XYLB: variants seen among roughly 807,000 people sequenced by gnomAD.
XYLB encodes the protein xylulokinase.
XYLB carries 62 observed loss-of-function variants against 78.7 expected under a neutral mutation model. The observed-to-expected ratio is 0.79, with a 90% CI of 0.64 to 0.97. The LOEUF (loss-of-function observed/expected upper bound fraction) is 0.97. XYLB is among the 50% of genes least tolerant of loss of function. The pLI is 0.00. For synonymous variants in XYLB, 245 were observed against 247.4 expected, an observed-to-expected ratio of 0.99 and a Z score of 0.09; for missense variants, 687 against 676.8, an observed-to-expected ratio of 1.02 and a Z score of -0.17.
chr3:38,439,458 G>A, the XYLB span, among the ~76,000 whole-genome samples: 11 of 152,192 alleles, frequency 7.2e-5, no homozygotes, highest in South Asian at 2.1e-4. Flanking sequence ...AACTCCAGAG[G>A]TTGGTATAAG....
chr3:38,424,047 G>T (rs1709053459), downstream of XYLB, among the ~76,000 whole-genome samples: 1 of 152,164 alleles, frequency 6.6e-6, no homozygotes. Context: ...TCTATCCTTA[G>T]AGGAGATCCC....
rs1477818095 is a variant in XYLB, at chr3:38,407,018, A to G, written c.1534-5918A>G. Among the ~76,000 whole-genome samples the G allele has an allele frequency of 4.7e-3, 695 of 148,274 alleles. 5 individuals carry two copies. The highest frequency in any genetic ancestry group is 0.015 in the African/African-American group (621 of 40,068). On this transcript the variant is annotated intron_variant, in intron 18 of 18. Coordinates refer to ENST00000207870, the MANE Select transcript of XYLB (RefSeq NM_005108.4). ...GCAAGGCAGGCCAACATTCAGATTC[A>G]GGAAATACAGAGAACGCCACAAAGA... is the stretch of plus-strand genomic sequence containing the variant.
At chr3:38,408,143 T>C (rs1231931902) in intron 18 of XYLB, among the ~76,000 whole-genome samples, 108 of 151,628 alleles carry the variant, frequency 7.1e-4, no homozygotes, top group African/African-American at 2.4e-3. Context: ...AGTAAAGCTC[T>C]CCTCAGCAAA....
At chr3:38,437,769 C>A in the XYLB span, among the ~76,000 whole-genome samples, 3 of 151,744 alleles carry the variant, frequency 2.0e-5, no homozygotes, top group Admixed American at 2.0e-4. Flanking sequence ...CATAGTGAGA[C>A]CCTGTATAAA....
At chr3:38,393,130 T>C (rs1707737242) in intron 15 of XYLB, among the ~76,000 whole-genome samples, 1 of 152,104 alleles carries the variant, frequency 6.6e-6, no homozygotes, top group Non-Finnish European at 1.5e-5. Flanking sequence ...ACATGGGTCT[T>C]TCTCTGTACT....
At chr3:38,396,921 A>G (rs1252690630) in intron 16 of XYLB, 151 bp from the exon 17 acceptor site, 8 of 741,128 alleles carry the variant, frequency 1.1e-5, no homozygotes, top group Non-Finnish European at 1.8e-5. Flanking sequence ...CCAGGGTAGC[A>G]TGACCAAGCA....
At chr3:38,376,003 G>T in intron 12 of XYLB, 114 bp from the exon 13 acceptor site, 1 of 744,982 alleles carries the variant, frequency 1.3e-6, no homozygotes, top group East Asian at 2.5e-5. Flanking sequence ...CACTGACTAG[G>T]GGTCGTGGTC....
chr3:38,360,427 A>T lies in XYLB; in HGVS notation c.210+19A>T, dbSNP rs818849. On this transcript the variant is annotated intron_variant, in intron 3 of 18. Coordinates refer to ENST00000207870, the MANE Select transcript of XYLB (RefSeq NM_005108.4). The stretch of plus-strand genomic sequence containing the variant: ...GGTCCAGGTAAGCGCAGGGATTCCT[A>T]TTCTCCTTCTATCCCCAGGCTGTCT... The T allele has an allele frequency of 2.0e-5, 32 of 1,563,228 alleles. No individual in the cohort carries two copies. The East Asian group carries it at 2.1e-4, about 10-fold the overall frequency.
chr3:38,416,627 G>A (rs1708803816), downstream of XYLB, among the ~76,000 whole-genome samples: 1 of 152,044 alleles, frequency 6.6e-6, no homozygotes, highest in Non-Finnish European at 1.5e-5. Flanking sequence ...AAAAAAAAGA[G>A]ATGGGCAAAA....
At chr3:38,411,770 T>A (rs1318272938) in intron 18 of XYLB, among the ~76,000 whole-genome samples, 1 of 152,134 alleles carries the variant, frequency 6.6e-6, no homozygotes, top group Admixed American at 6.5e-5. Flanking sequence ...GCAACATTGC[T>A]TATGTAAAAA....
chr3:38,358,357 G>GTATGTT (rs774476552), intron 2 of XYLB, among the ~76,000 whole-genome samples: 1 of 90,110 alleles, frequency 1.1e-5, no homozygotes, highest in Non-Finnish European at 2.1e-5. Flanking sequence ...GTGTGTGTGT[G>GTATGTT]TTTGAGACAG....
chr3:38,398,397 G>T (rs1183327559), intron 17 of XYLB, among the ~76,000 whole-genome samples: 1 of 151,652 alleles, frequency 6.6e-6, no homozygotes, highest in Non-Finnish European at 1.5e-5. Context: ...GAACCCGGGA[G>T]GCAGAGGTTG....
At chr3:38,412,884 T>G (rs1214197304) in intron 18 of XYLB, 52 bp from the exon 19 acceptor site, 1 of 1,489,006 alleles carries the variant, frequency 6.7e-7, no homozygotes, top group Non-Finnish European at 9.2e-7. Flanking sequence ...TGCAACCAGA[T>G]GTAAGAGGCA....
chr3:38,447,753 C>A, the XYLB span, among the ~76,000 whole-genome samples: 1 of 152,104 alleles, frequency 6.6e-6, no homozygotes, highest in Middle Eastern at 3.2e-3. Flanking sequence ...TATTGGATAG[C>A]TACCCAAAGG....
At chr3:38,393,291 G>A (rs933119026) in intron 15 of XYLB, among the ~76,000 whole-genome samples, 2 of 152,028 alleles carry the variant, frequency 1.3e-5, no homozygotes, top group African/African-American at 2.4e-5. Context: ...TACAGACAAC[G>A]TGCTACCATG....
At chr3:38,422,522 C>T (rs1267207567), downstream of XYLB, among the ~76,000 whole-genome samples, 8 of 152,338 alleles carry the variant, frequency 5.3e-5, no homozygotes, top group Admixed American at 6.5e-5. Context: ...TTCTCTACAG[C>T]ACTGGCCGTC....
intron 9 of XYLB, among the ~76,000 whole-genome samples, chr3:38,370,767 CAT>C (rs1706512916): frequency 6.6e-6 from 1 of 152,210 alleles, no homozygotes; most frequent in Non-Finnish European, 1.5e-5. Flanking sequence ...ATGGGAAAAA[CAT>C]TTACCCATCA....
At chr3:38,428,620 C>T in the XYLB span, among the ~76,000 whole-genome samples, 1 of 152,196 alleles carries the variant, frequency 6.6e-6, no homozygotes, top group African/African-American at 2.4e-5. Context: ...CCTGATATTA[C>T]TATAGCCACT....
At chr3:38,401,451 G>A (rs2125657380) in intron 18 of XYLB, among the ~76,000 whole-genome samples, 1 of 152,296 alleles carries the variant, frequency 6.6e-6, no homozygotes, top group South Asian at 2.1e-4. Flanking sequence ...TAAGATATAT[G>A]AGGTTTATGG....
Sources: gnomAD v4.1 joint callset for allele counts (sites outside exome capture counted in the v4.1 genomes callset) on GRCh38, gnomAD v4.1.1 for gene constraint, MANE v1.5 for transcripts, NCBI Gene and HGNC (gene_info 2026-07-23, HGNC 2026-07-21) for gene names.